KDM2B: variants seen among roughly 807,000 people sequenced by gnomAD.
KDM2B encodes the protein lysine demethylase 2B, also known as lysine-specific demethylase 2B.
In KDM2B, 26 loss-of-function variants were observed where a neutral mutation model predicts 150.0. The ratio of observed to expected loss-of-function variants is 0.17; its 90% confidence interval spans 0.13 to 0.24. The LOEUF is 0.24. Among genes scored for constraint, KDM2B ranks in the 10% least tolerant of loss-of-function variants. The pLI is 1.00. For synonymous variants in KDM2B, 734 were observed against 729.5 expected (o/e 1.01, Z -0.10); for missense variants, 1,265 against 1,816.9 (o/e 0.70, Z 5.52).
intron 12 of KDM2B, among the ~76,000 whole-genome samples, chr12:121,482,376 C>T (rs564385473): frequency 2.2e-4 from 33 of 152,100 alleles, no homozygotes; most frequent in African/African-American, 7.0e-4. Context: ...TATCTTGGCT[C>T]ACTGCAACCT....
At chr12:121,554,033 CCACACACA>C (rs56659514) in intron 4 of KDM2B, among the ~76,000 whole-genome samples, 5,087 of 122,100 alleles carry the variant, frequency 0.042, 205 homozygotes, top group South Asian at 0.13. Context: ...CACCCCAGCT[CCACACACA>C]CACACACACA....
At chr12:121,449,202 G>A (rs201326137) in intron 13 of KDM2B, among the ~76,000 whole-genome samples, 12 of 150,644 alleles carry the variant, frequency 8.0e-5, no homozygotes, top group African/African-American at 2.2e-4. Flanking sequence ...GGGCGCATGT[G>A]GGGGGGCAGA....
chr12:121,451,175 C>A (rs1877208304), intron 13 of KDM2B, among the ~76,000 whole-genome samples: 1 of 152,110 alleles, frequency 6.6e-6, no homozygotes, highest in African/African-American at 2.4e-5. Flanking sequence ...CCAACCCCTC[C>A]TCCTCTGCCT....
chr12:121,528,337 T>G (rs562830298), intron 8 of KDM2B, among the ~76,000 whole-genome samples: 30 of 152,174 alleles, frequency 2.0e-4, no homozygotes, highest in African/African-American at 7.2e-4. Context: ...GGCAGCAGGA[T>G]CACTTGAGGC....
Position 121,467,070 on chromosome 12 carries a change from G to A in KDM2B, c.1735-13726C>T. 4 of 708,002 alleles carry A rather than the reference G, an allele frequency of 5.6e-6. No individual in the cohort carries two copies. In the South Asian group the frequency reaches 9.3e-5, roughly 16 times the overall value. The allele number at this position is 708,002 out of a possible 1,614,324, so 43.9% of individuals were successfully genotyped here. A position where few individuals can be genotyped will look rare whatever the true frequency, so the allele number is the denominator to read the frequency against. On this transcript the variant is annotated intron_variant, in intron 12 of 22. Transcript: ENST00000377071. The surrounding 1 kb of genome is among the most constrained non-coding windows in gnomAD (Gnocchi z 5.1). The stretch of plus-strand genomic sequence containing the variant: ...ACTTTCTCCTCATCGCGGCGGCGGC[G>A]GCGTCGCGGCCGCCCTCGGCGCGTC...
chr12:121,499,150 G>A (rs573557461), intron 11 of KDM2B, among the ~76,000 whole-genome samples: 217 of 136,162 alleles, frequency 1.6e-3, no homozygotes, highest in African/African-American at 5.8e-3. Context: ...TTGCTCTGTC[G>A]CCCAGGCTAG....
At chr12:121,554,353 T>C (rs973753113) in intron 4 of KDM2B, among the ~76,000 whole-genome samples, 5 of 152,146 alleles carry the variant, frequency 3.3e-5, no homozygotes, top group Admixed American at 6.6e-5. Flanking sequence ...CTGGGAGTGT[T>C]TCCAAATAAA....
intron 11 of KDM2B, among the ~76,000 whole-genome samples, chr12:121,496,268 GA>G (rs1883925235): frequency 6.6e-6 from 1 of 152,038 alleles, no homozygotes; most frequent in Non-Finnish European, 1.5e-5. Context: ...AGCACACACA[GA>G]ACTATCACTG....
intron 6 of KDM2B, among the ~76,000 whole-genome samples, chr12:121,545,147 G>A (rs964949035): frequency 2.0e-5 from 3 of 152,088 alleles, no homozygotes; most frequent in Admixed American, 6.6e-5. Context: ...CTACGATCCC[G>A]GAGGACTTCA....
chr12:121,500,567 A>G (rs540119453), intron 11 of KDM2B, among the ~76,000 whole-genome samples: 5 of 152,362 alleles, frequency 3.3e-5, no homozygotes, highest in African/African-American at 1.2e-4. Context: ...GACTAAAAAT[A>G]TCCCACTGTG....
intron 4 of KDM2B, among the ~76,000 whole-genome samples, chr12:121,554,758 G>A (rs1359385681): frequency 6.6e-6 from 1 of 152,096 alleles, no homozygotes; most frequent in Non-Finnish European, 1.5e-5. Flanking sequence ...TTAATCCCAG[G>A]TATATATACC....
chr12:121,550,615 T>G (rs1387653045), intron 4 of KDM2B, among the ~76,000 whole-genome samples: 1 of 152,192 alleles, frequency 6.6e-6, no homozygotes, highest in Admixed American at 6.5e-5. Context: ...TGCCTCAGCC[T>G]CCTGAATAGC....
chr12:121,443,616 G>A (rs1315320590), intron 17 of KDM2B, 64 bp downstream of exon 17: 14 of 924,022 alleles, frequency 1.5e-5, no homozygotes, highest in Non-Finnish European at 2.1e-5. Context: ...GCGGGGTGGG[G>A]TGGGGGACAG....
At chr12:121,503,980 A>T (rs1274639496) in intron 11 of KDM2B, among the ~76,000 whole-genome samples, 1 of 152,196 alleles carries the variant, frequency 6.6e-6, no homozygotes, top group Non-Finnish European at 1.5e-5. Flanking sequence ...AAGAGCAGAA[A>T]CCAAACTTGA....
At chr12:121,525,316 G>T (rs979877320) in intron 8 of KDM2B, among the ~76,000 whole-genome samples, 17 of 152,110 alleles carry the variant, frequency 1.1e-4, no homozygotes, top group Non-Finnish European at 1.5e-5. Flanking sequence ...ACCCAGGCTG[G>T]AGTGCAGTGG....
Position 121,443,813 on chromosome 12 carries a change from G to T in KDM2B, c.2452-20C>A, listed in dbSNP as rs1430644157. 6.8e-7 allele frequency: 1 copy of T among 1,475,312 alleles called. No individual in the cohort carries two copies. The highest frequency in any genetic ancestry group is 9.3e-7 in the Non-Finnish European group (1 of 1,075,464). 91.4% of individuals were successfully genotyped at this position (1,475,312 alleles called of 1,614,324 possible). On this transcript the variant is annotated intron_variant, in intron 16 of 22. Transcript: ENST00000377071. ...TGAGGCCTAAAGGGGGGTGGAGTGG[G>T]AAGAGGAGTGACTCGCTGGTTTTCC...
At chr12:121,501,652 G>A (rs1195458505) in intron 11 of KDM2B, among the ~76,000 whole-genome samples, 1 of 152,054 alleles carries the variant, frequency 6.6e-6, no homozygotes, top group Non-Finnish European at 1.5e-5. Flanking sequence ...ACAGAGTCTT[G>A]CTCTGTCGCC....
At chr12:121,530,040 A>G (rs1036193220) in intron 8 of KDM2B, among the ~76,000 whole-genome samples, 1 of 151,414 alleles carries the variant, frequency 6.6e-6, no homozygotes, top group African/African-American at 2.4e-5. Context: ...CATCCTGGCT[A>G]ACACAGTGAA....
At chr12:121,445,796 A>T (rs1183599760) in intron 13 of KDM2B, among the ~76,000 whole-genome samples, 1 of 152,182 alleles carries the variant, frequency 6.6e-6, no homozygotes, top group East Asian at 1.9e-4. Flanking sequence ...AGGTCAGGGA[A>T]GGCCTCACAT....
Sources: gnomAD v4.1 joint callset for allele counts (sites outside exome capture counted in the v4.1 genomes callset) on GRCh38, gnomAD v4.1.1 for gene constraint, Gnocchi (gnomAD v3.1) non-coding constraint, MANE v1.5 for transcripts, NCBI Gene and HGNC (gene_info 2026-07-23, HGNC 2026-07-21) for gene names.